Variants in WDR64 observed in about 807,000 individuals in gnomAD.
WDR64 encodes the protein WD repeat domain 64.
WDR64 carries 112 observed loss-of-function variants against 139.3 expected under a neutral mutation model. That is an observed-to-expected ratio of 0.80 (90% confidence interval 0.69 to 0.94). WDR64 has a LOEUF of 0.94. Among genes scored for constraint, WDR64 ranks in the 40% least tolerant of loss-of-function variants. WDR64 has a pLI of 0.00. For synonymous variants in WDR64, 444 were observed against 437.7 expected, an observed-to-expected ratio of 1.01 and a Z score of -0.18; for missense variants, 1,206 against 1,293.1, an observed-to-expected ratio of 0.93 and a Z score of 1.03.
intron 13 of WDR64, among the ~76,000 whole-genome samples, chr1:241,748,966 AAAAAG>A (rs554888617): frequency 4.0e-5 from 6 of 150,640 alleles, no homozygotes; most frequent in Admixed American, 2.0e-4. Context: ...AGAAAGAAAG[AAAAAG>A]AAAAGAAAAG....
At chr1:241,652,758 C>T in intron 1 of WDR64, 129 bp downstream of exon 1, 4 of 1,100,474 alleles carry the variant, frequency 3.6e-6, no homozygotes, top group South Asian at 1.9e-5. Context: ...ATGAAGACCT[C>T]AGTTCTTGTT....
At chr1:241,707,672 T>C (rs1353961964) in intron 8 of WDR64, among the ~76,000 whole-genome samples, 1 of 151,848 alleles carries the variant, frequency 6.6e-6, no homozygotes, top group East Asian at 1.9e-4. Context: ...ACCACTGCGA[T>C]AGGCTGTGCA....
intron 2 of WDR64, among the ~76,000 whole-genome samples, chr1:241,660,894 C>T (rs1291466592): frequency 1.3e-5 from 2 of 152,152 alleles, no homozygotes; most frequent in Non-Finnish European, 2.9e-5. Context: ...TCAGACCAAG[C>T]TGCCAGTAGG....
intron 1 of WDR64, 122 bp downstream of exon 1, chr1:241,652,751 A>C (rs1319395857): frequency 8.5e-7 from 1 of 1,175,216 alleles, no homozygotes; most frequent in Non-Finnish European, 1.2e-6. Flanking sequence ...AAAGGGGATG[A>C]AGACCTCAGT....
chr1:241,746,761 CTTT>C (rs34375079), intron 13 of WDR64, among the ~76,000 whole-genome samples: 6 of 142,052 alleles, frequency 4.2e-5, no homozygotes, highest in African/African-American at 7.8e-5. Flanking sequence ...CATTTCAGTT[CTTT>C]TTTTTTTTTT....
At chr1:241,681,417 C>T (rs141154626) in intron 6 of WDR64, among the ~76,000 whole-genome samples, 16 of 152,268 alleles carry the variant, frequency 1.1e-4, no homozygotes, top group African/African-American at 3.1e-4. Context: ...TAATAGTCTC[C>T]AATCCCATCC....
In WDR64 at chr1:241,703,961, C is replaced by T. The variant is rs905272774; in HGVS notation, c.975-7841C>T. Among the ~76,000 whole-genome samples, 1 of 152,198 alleles carries T rather than the reference C, an allele frequency of 6.6e-6. No homozygotes were observed. Among genetic ancestry groups the T allele is most frequent in the African/African-American group, 2.4e-5 (1 of 41,436 alleles). ...AAGAACAACACGGGAGAAGCCGCCC[C>T]CATGAACCAATCACCTCCCACTAGG... On this transcript the variant is annotated intron_variant, in intron 8 of 27. Transcript: ENST00000437684. This position sits in a 1 kb window ranked among gnomAD's most constrained non-coding sequence, Gnocchi z 5.9.
Position 241,756,770 on chromosome 1 carries a change from C to T in WDR64, c.1771-513C>T, listed in dbSNP as rs1257762365. 3.3e-5 allele frequency among the ~76,000 whole-genome samples: 5 copies of T among 152,292 alleles called. No individual in the cohort carries two copies. The East Asian group carries it at 9.6e-4, about 29-fold the overall frequency. ...TTACCCCAGATACATGCTCTAGAAA[C>T]TGTGCCACCTGTCTGTAAAGGAAAG... On this transcript the variant is annotated intron_variant, in intron 14 of 27. Transcript: ENST00000437684.
intron 7 of WDR64, among the ~76,000 whole-genome samples, chr1:241,684,259 A>C (rs1666924740): frequency 6.6e-6 from 1 of 152,232 alleles, no homozygotes; most frequent in Non-Finnish European, 1.5e-5. Flanking sequence ...AGTTCAATTA[A>C]AAGATATAAT....
At position 241,757,458 on chromosome 1, in the gene WDR64, A is replaced by C. The variant is rs573500108; in HGVS notation, c.1946A>C (p.Asp649Ala). Residue 649 changes from aspartate (D) to alanine (A), a missense_variant and splice_region_variant, in exon 15 of 28, where the codon GAT (aspartate) becomes GCT (alanine). Physicochemically the swap from Asp to Ala is moderately radical, Grantham distance 126 (BLOSUM62 -2). Transcript: ENST00000437684. ...GAGAGGAACTTTTCTCAACCTACTGATGTAAGTTTCCTCTCTTGGTTTCTT... is the reference window on the plus strand; with the variant it reads ...GAGAGGAACTTTTCTCAACCTACTGCTGTAAGTTTCCTCTCTTGGTTTCTT... ...IVERNFSQPTDNPTMDLLRVN... is the reference protein window; with the variant it reads ...IVERNFSQPTANPTMDLLRVN... 1.9e-6 allele frequency: 3 copies of C among 1,602,680 alleles called. No individual in the cohort carries two copies. The highest frequency in any genetic ancestry group is 2.3e-5 in the South Asian group (2 of 88,668).
intron 18 of WDR64, among the ~76,000 whole-genome samples, 154 bp downstream of exon 18, chr1:241,770,844 G>A (rs550987160): frequency 6.6e-6 from 1 of 151,962 alleles, no homozygotes; most frequent in East Asian, 1.9e-4. Flanking sequence ...GCATTGTTTT[G>A]CAAAAAATGC....
chr1:241,796,430 T>G (rs1465621821), intron 27 of WDR64, 60 bp downstream of exon 27: 1 of 1,154,166 alleles, frequency 8.7e-7, no homozygotes, highest in East Asian at 2.5e-5. Context: ...TTCTGTTTGT[T>G]TTTTTAAAAA....
At chr1:241,764,919 C>T (rs538091212) in intron 15 of WDR64, among the ~76,000 whole-genome samples, 1 of 152,246 alleles carries the variant, frequency 6.6e-6, no homozygotes, top group Admixed American at 6.5e-5. Flanking sequence ...GGCACTATGG[C>T]TCATGCCTAT....
chr1:241,709,390 A>G (rs1668078543), intron 8 of WDR64, among the ~76,000 whole-genome samples: 1 of 152,216 alleles, frequency 6.6e-6, no homozygotes, highest in Admixed American at 6.5e-5. Flanking sequence ...GCAATGCAAG[A>G]TATTTCTGGT....
At chr1:241,714,980 T>C (rs1348272090) in intron 9 of WDR64, among the ~76,000 whole-genome samples, 2 of 152,196 alleles carry the variant, frequency 1.3e-5, no homozygotes, top group Non-Finnish European at 2.9e-5. Flanking sequence ...TTTGGAAAAT[T>C]TGGAACCCAG....
chr1:241,775,302 G>A (rs1658619244), intron 21 of WDR64, 92 bp downstream of exon 21: 5 of 944,034 alleles, frequency 5.3e-6, no homozygotes. Context: ...GGTATATGGT[G>A]AAACAAAAGA....
At chr1:241,696,335 G>A (rs1043433462) in intron 8 of WDR64, among the ~76,000 whole-genome samples, 2 of 151,848 alleles carry the variant, frequency 1.3e-5, no homozygotes, top group African/African-American at 2.4e-5. Flanking sequence ...TTATTGGAAA[G>A]GGATCCTGAT....
chr1:241,783,236 T>A (rs377050536), intron 22 of WDR64, 36 bp from the exon 23 acceptor site: 1 of 1,551,096 alleles, frequency 6.4e-7, no homozygotes, highest in Non-Finnish European at 8.9e-7. Flanking sequence ...TAGCATATAG[T>A]TATTCCGAGG....
chr1:241,717,527 C>T (rs1668449553), intron 9 of WDR64, among the ~76,000 whole-genome samples: 1 of 151,912 alleles, frequency 6.6e-6, no homozygotes, highest in Non-Finnish European at 1.5e-5. Flanking sequence ...TGAAGTGACT[C>T]ACCCAACTGA....
Sources: gnomAD v4.1 joint callset for allele counts (sites outside exome capture counted in the v4.1 genomes callset) on GRCh38, gnomAD v4.1.1 for gene constraint, Gnocchi (gnomAD v3.1) non-coding constraint, MANE v1.5 for transcripts, NCBI Gene and HGNC (gene_info 2026-07-23, HGNC 2026-07-21) for gene names.